RANBP17: variants seen among roughly 807,000 people sequenced by gnomAD.
RANBP17 encodes RAN binding protein 17, also known as ran-binding protein 17.
RANBP17 carries 158 observed loss-of-function variants against 141.2 expected under a neutral mutation model. The observed-to-expected ratio is 1.12, with a 90% CI of 0.98 to 1.28. The LOEUF (loss-of-function observed/expected upper bound fraction) is 1.28. Among genes scored for constraint, RANBP17 ranks in the 50% most tolerant of loss-of-function variants. The probability of loss-of-function intolerance (pLI) is 0.00; values close to 1 mark genes in which losing one functional copy is unlikely to be tolerated. For synonymous variants in RANBP17, 430 were observed against 450.0 expected, an observed-to-expected ratio of 0.96 and a Z score of 0.56; for missense variants, 1,438 against 1,290.7, an observed-to-expected ratio of 1.11 and a Z score of -1.75.
chr5:171,269,285 T>C (rs1004827838), intron 25 of RANBP17, among the ~76,000 whole-genome samples: 2 of 152,240 alleles, frequency 1.3e-5, no homozygotes, highest in Non-Finnish European at 2.9e-5. Flanking sequence ...TTTGAAATTT[T>C]GACTCTTCCC....
chr5:171,043,915 A>T (rs572615670), intron 14 of RANBP17, among the ~76,000 whole-genome samples: 1 of 152,180 alleles, frequency 6.6e-6, no homozygotes, highest in Non-Finnish European at 1.5e-5. Context: ...GAGACAATCT[A>T]TCAAAGTATT....
chr5:170,869,323 CT>C (rs70982310), intron 1 of RANBP17, among the ~76,000 whole-genome samples: 2,041 of 125,442 alleles, frequency 0.016, 32 homozygotes, highest in African/African-American at 0.056. Flanking sequence ...GCTCACAACA[CT>C]TTTTTTTTTT....
chr5:170,901,238 G>T (rs1770610964), intron 5 of RANBP17, among the ~76,000 whole-genome samples: 1 of 152,276 alleles, frequency 6.6e-6, no homozygotes, highest in East Asian at 1.9e-4. Context: ...TCTTCTTGTT[G>T]TGTTGATCCC....
chr5:171,168,830 TTC>T (rs983179450), intron 14 of RANBP17, among the ~76,000 whole-genome samples: 1 of 151,794 alleles, frequency 6.6e-6, no homozygotes, highest in African/African-American at 2.4e-5. Context: ...CAGTCTTCCT[TTC>T]TCTCTCTCTG....
chr5:170,956,946 T>G (rs1333699437), intron 13 of RANBP17, among the ~76,000 whole-genome samples: 1 of 151,678 alleles, frequency 6.6e-6, no homozygotes, highest in Non-Finnish European at 1.5e-5. Context: ...GGCGGGCATC[T>G]GTAGTCCCAG....
intron 12 of RANBP17, among the ~76,000 whole-genome samples, chr5:170,936,923 A>C (rs1196010339): frequency 1.3e-5 from 2 of 152,138 alleles, no homozygotes. Flanking sequence ...CTTGAAATCT[A>C]TCTTATCTGA....
chr5:171,120,813 A>G (rs1755980449), intron 14 of RANBP17, among the ~76,000 whole-genome samples: 1 of 152,086 alleles, frequency 6.6e-6, no homozygotes, highest in African/African-American at 2.4e-5. Flanking sequence ...GTTGATTTCT[A>G]TACATCTGGT....
chr5:171,109,665 A>G (rs1426945707), intron 14 of RANBP17, among the ~76,000 whole-genome samples: 3 of 152,194 alleles, frequency 2.0e-5, no homozygotes, highest in African/African-American at 7.2e-5. Flanking sequence ...TGCTACGTAA[A>G]TACTTGTTAT....
At chr5:171,243,191 T>C in intron 24 of RANBP17, 1 of 172,880 alleles carries the variant, frequency 5.8e-6, no homozygotes, top group Non-Finnish European at 1.2e-5. Context: ...ATCAATCCCT[T>C]CCCCCTACCT....
intron 14 of RANBP17, among the ~76,000 whole-genome samples, chr5:171,085,218 G>A (rs902746148): frequency 5.7e-5 from 8 of 140,936 alleles, no homozygotes; most frequent in African/African-American, 2.1e-4. Context: ...ATTAAATAGG[G>A]AATCCTTTCC....
At chr5:170,984,888 G>A (rs1489683069) in intron 14 of RANBP17, among the ~76,000 whole-genome samples, 1 of 151,880 alleles carries the variant, frequency 6.6e-6, no homozygotes, top group Non-Finnish European at 1.5e-5. Context: ...ATTAGAAAAG[G>A]TCCATTTTAA....
chr5:171,017,052 G>C (rs1346460662), intron 14 of RANBP17, among the ~76,000 whole-genome samples: 1 of 152,026 alleles, frequency 6.6e-6, no homozygotes, highest in African/African-American at 2.4e-5. Context: ...ATGGCTTCCA[G>C]CTTCATCCCA....
At chr5:171,077,247 G>C (rs1443433468) in intron 14 of RANBP17, among the ~76,000 whole-genome samples, 1 of 152,200 alleles carries the variant, frequency 6.6e-6, no homozygotes, top group Middle Eastern at 3.4e-3. Context: ...AGCTGAGGCA[G>C]GAGAATGGCG....
At chr5:171,130,729 G>A (rs1004427321) in intron 14 of RANBP17, among the ~76,000 whole-genome samples, 3 of 151,964 alleles carry the variant, frequency 2.0e-5, no homozygotes, top group Non-Finnish European at 2.9e-5. Flanking sequence ...TAGAAACACC[G>A]TTTTATTTGT....
At chr5:171,225,599 G>A (rs1763834386) in intron 22 of RANBP17, among the ~76,000 whole-genome samples, 1 of 152,178 alleles carries the variant, frequency 6.6e-6, no homozygotes, top group Admixed American at 6.5e-5. Context: ...GGTAAGCCCA[G>A]GTGAAGGAAA....
At chr5:171,297,892 G>A (rs1476279540) in intron 27 of RANBP17, among the ~76,000 whole-genome samples, 2 of 106,878 alleles carry the variant, frequency 1.9e-5, no homozygotes, top group Non-Finnish European at 3.4e-5. Context: ...GTCTCGCTCT[G>A]TTTCCCAGGC....
At chr5:171,073,820 A>G (rs1307352336) in intron 14 of RANBP17, among the ~76,000 whole-genome samples, 8 of 151,990 alleles carry the variant, frequency 5.3e-5, no homozygotes, top group African/African-American at 1.9e-4. Context: ...TTATGGGGTC[A>G]GAAAGTAAGG....
At chr5:171,088,964 G>A (rs1168964200) in intron 14 of RANBP17, among the ~76,000 whole-genome samples, 6 of 151,726 alleles carry the variant, frequency 4.0e-5, no homozygotes, top group African/African-American at 1.2e-4. Flanking sequence ...CTCTCAGCTC[G>A]TCAAAGTCAT....
intron 11 of RANBP17, among the ~76,000 whole-genome samples, chr5:170,922,916 C>T (rs574740811): frequency 1.3e-4 from 20 of 152,292 alleles, no homozygotes; most frequent in Non-Finnish European, 2.2e-4. Context: ...TCACTGGGGG[C>T]TGCAGACCAG....
Sources: gnomAD v4.1 joint callset for allele counts (sites outside exome capture counted in the v4.1 genomes callset) on GRCh38, gnomAD v4.1.1 for gene constraint, MANE v1.5 for transcripts, NCBI Gene and HGNC (gene_info 2026-07-23, HGNC 2026-07-21) for gene names.